The following PPFIA2 variants were observed in gnomAD, a reference collection of about 807,000 sequenced individuals.
PPFIA2 encodes liprin-alpha-2.
A neutral mutation model predicts 175.5 loss-of-function variants in PPFIA2; 46 were observed. The ratio of observed to expected loss-of-function variants is 0.26; its 90% CI spans 0.21 to 0.34. The LOEUF (loss-of-function observed/expected upper bound fraction) is 0.34, where lower values mean the gene tolerates loss of function less well. Ranked by LOEUF, PPFIA2 falls within the 10% of genes least tolerant of loss-of-function variation. The probability of loss-of-function intolerance (pLI) is 1.00; values close to 1 mark genes in which losing one functional copy is unlikely to be tolerated. For synonymous variants in PPFIA2, 568 were observed against 511.4 expected, an observed-to-expected ratio of 1.11 and a Z score of -1.49; for missense variants, 1,179 against 1,506.1, an observed-to-expected ratio of 0.78 and a Z score of 3.60.
intron 9 of PPFIA2, among the ~76,000 whole-genome samples, chr12:81,381,026 C>G (rs560528913): frequency 6.8e-6 from 1 of 147,106 alleles, no homozygotes; most frequent in African/African-American, 2.5e-5. Flanking sequence ...AAAAGTGATG[C>G]ATGCAGTAAC....
At chr12:81,387,625 G>T (rs1336040087) in intron 8 of PPFIA2, among the ~76,000 whole-genome samples, 1 of 152,152 alleles carries the variant, frequency 6.6e-6, no homozygotes, top group African/African-American at 2.4e-5. Flanking sequence ...TGAGAAGGTA[G>T]AAGTTCTAAT....
rs1403429508 is a variant in PPFIA2 at position 81,312,110 on chromosome 12, AG to A, written c.2643-12729del. ...TAATACTCTGAAAAAAGAAAAAAAA[AG>A]ATGGCGCTGAAAATAAACATGTTCA... On this transcript the variant is annotated intron_variant, in intron 22 of 32. Coordinates refer to ENST00000549396, the MANE Select transcript of PPFIA2 (RefSeq NM_003625.5). The A allele has an allele frequency of 3.3e-6, 5 of 1,520,304 alleles. No homozygotes were observed. The African/African-American group carries it at 5.5e-5, about 17-fold the overall frequency. The allele number at this position is 1,520,304 out of a possible 1,614,324, so 94.2% of individuals were successfully genotyped here.
chr12:81,612,486 G>C (rs953864207), intron 4 of PPFIA2, among the ~76,000 whole-genome samples: 3 of 151,988 alleles, frequency 2.0e-5, no homozygotes, highest in African/African-American at 7.3e-5. Flanking sequence ...TATTGGATTA[G>C]AGGATCCCAA....
intron 3 of PPFIA2, among the ~76,000 whole-genome samples, chr12:81,680,288 C>A (rs1347816834): frequency 1.3e-5 from 2 of 151,940 alleles, no homozygotes; most frequent in African/African-American, 2.4e-5. Flanking sequence ...GTGCCAGGTA[C>A]TTTTATAAGT....
At chr12:81,380,612 C>G (rs2037420091) in intron 9 of PPFIA2, among the ~76,000 whole-genome samples, 1 of 152,000 alleles carries the variant, frequency 6.6e-6, no homozygotes, top group Admixed American at 6.6e-5. Context: ...GTTGCTATCA[C>G]TGAATTATTT....
intron 4 of PPFIA2, among the ~76,000 whole-genome samples, chr12:81,657,603 A>G (rs2067999170): frequency 6.6e-6 from 1 of 152,206 alleles, no homozygotes; most frequent in African/African-American, 2.4e-5. Context: ...GAAAAAGTAA[A>G]TAATTTTGAA....
At chr12:81,520,583 A>G (rs753764954) in intron 4 of PPFIA2, among the ~76,000 whole-genome samples, 5 of 152,118 alleles carry the variant, frequency 3.3e-5, no homozygotes, top group African/African-American at 9.7e-5. Context: ...TTCTTTTGAC[A>G]TATATTACTT....
chr12:81,598,947 C>T (rs2059530264), intron 4 of PPFIA2, among the ~76,000 whole-genome samples: 1 of 151,920 alleles, frequency 6.6e-6, no homozygotes, highest in South Asian at 2.1e-4. Context: ...ATTTCATATA[C>T]ATATATACAC....
At chr12:81,440,611 T>C (rs954807762) in intron 6 of PPFIA2, among the ~76,000 whole-genome samples, 2 of 152,020 alleles carry the variant, frequency 1.3e-5, no homozygotes, top group Admixed American at 6.6e-5. Context: ...CTTAAGTATC[T>C]TGGAATTTCC....
At position 81,361,887 on chromosome 12, in the gene PPFIA2, ATGAG is replaced by A. The variant is rs568200001; in HGVS notation, c.1637+802_1637+805del. 1.2e-3 allele frequency among the ~76,000 whole-genome samples: 183 copies of A among 151,686 alleles called. 1 individual carries two copies. The highest frequency in any genetic ancestry group is 3.3e-3 in the African/African-American group (136 of 41,498). On this transcript the variant is annotated intron_variant, in intron 15 of 32. Transcript: ENST00000549396. ...TGTTGCCTAGTAAATAAGTGACTAA[ATGAG>A]TGTGTCCTTCTAGGGTTTCTAACAA...
chr12:81,357,856 C>T (rs2061077256), intron 16 of PPFIA2, among the ~76,000 whole-genome samples: 1 of 152,016 alleles, frequency 6.6e-6, no homozygotes, highest in Admixed American at 6.6e-5. Flanking sequence ...CAAGTAGTAC[C>T]CACTTCATAA....
chr12:81,464,984 C>A (rs1395577837), intron 4 of PPFIA2, among the ~76,000 whole-genome samples: 1 of 151,668 alleles, frequency 6.6e-6, no homozygotes, highest in African/African-American at 2.4e-5. Flanking sequence ...TTCTCATTTA[C>A]TAAATGCTTG....
intron 5 of PPFIA2, among the ~76,000 whole-genome samples, chr12:81,450,226 C>T (rs913234111): frequency 2.6e-5 from 4 of 152,202 alleles, no homozygotes; most frequent in African/African-American, 4.8e-5. Flanking sequence ...CTGTCTTCCA[C>T]AACGGTTGAA....
intron 9 of PPFIA2, among the ~76,000 whole-genome samples, chr12:81,379,831 A>G (rs1415330303): frequency 6.6e-6 from 1 of 152,204 alleles, no homozygotes; most frequent in Non-Finnish European, 1.5e-5. Context: ...ATATTTATAA[A>G]TTAGATTGGT....
At chr12:81,563,486 T>C (rs1040923156) in intron 4 of PPFIA2, among the ~76,000 whole-genome samples, 1 of 152,178 alleles carries the variant, frequency 6.6e-6, no homozygotes, top group African/African-American at 2.4e-5. Context: ...TCCATACTCA[T>C]TGCAATCTGG....
At chr12:81,522,816 C>G (rs1402006876) in intron 4 of PPFIA2, among the ~76,000 whole-genome samples, 1 of 152,170 alleles carries the variant, frequency 6.6e-6, no homozygotes, top group African/African-American at 2.4e-5. Context: ...CATCACTGTC[C>G]TATGATCCTC....
At chr12:81,542,850 G>A (rs1359779065) in intron 4 of PPFIA2, among the ~76,000 whole-genome samples, 1 of 152,034 alleles carries the variant, frequency 6.6e-6, no homozygotes, top group Non-Finnish European at 1.5e-5. Context: ...GGGAGAATGA[G>A]CCCCCAACTT....
chr12:81,663,295 G>A (rs1421896356), intron 4 of PPFIA2, among the ~76,000 whole-genome samples: 4 of 152,094 alleles, frequency 2.6e-5, no homozygotes, highest in Non-Finnish European at 4.4e-5. Context: ...AAACCCCATC[G>A]TCTCAGCCCA....
chr12:81,548,989 T>G (rs1028031860), intron 4 of PPFIA2, among the ~76,000 whole-genome samples: 18 of 152,132 alleles, frequency 1.2e-4, no homozygotes, highest in African/African-American at 4.3e-4. Flanking sequence ...ATTGGTAAGC[T>G]TTTTATTAGC....
Sources: allele counts gnomAD v4.1 joint callset (sites outside exome capture counted in the v4.1 genomes callset), GRCh38; gene constraint gnomAD v4.1.1; transcripts MANE v1.5; gene names NCBI Gene and HGNC (gene_info 2026-07-23, HGNC 2026-07-21).